The following PLCG2 variants were observed in gnomAD, a reference collection of about 807,000 sequenced individuals.
PLCG2 encodes the protein 1-phosphatidylinositol 4,5-bisphosphate phosphodiesterase gamma-2.
PLCG2 carries 69 observed loss-of-function variants against 175.6 expected under a neutral mutation model. The ratio of observed to expected loss-of-function variants is 0.39; its 90% CI spans 0.32 to 0.48. PLCG2 has a LOEUF of 0.48. Ranked by LOEUF, PLCG2 falls within the 20% of genes least tolerant of loss-of-function variation. The pLI, the probability that PLCG2 is intolerant of heterozygous loss-of-function variation, is 0.91. For missense variants in PLCG2, 1,798 were observed against 1,650.9 expected, an observed-to-expected ratio of 1.09 and a Z score of -1.54; for synonymous variants, 827 against 624.0, an observed-to-expected ratio of 1.33 and a Z score of -4.85.
At chr16:81,862,086 A>G (rs550593119) in intron 5 of PLCG2, among the ~76,000 whole-genome samples, 27 of 152,332 alleles carry the variant, frequency 1.8e-4, no homozygotes, top group Admixed American at 4.6e-4. Flanking sequence ...AACTTTGACC[A>G]AGATGCCAAT....
chr16:81,879,008 C>T (rs2042160177), intron 7 of PLCG2, among the ~76,000 whole-genome samples: 1 of 152,148 alleles, frequency 6.6e-6, no homozygotes, highest in Non-Finnish European at 1.5e-5. Flanking sequence ...GAGGGGAAGC[C>T]AGGTCTTTCC....
chr16:81,764,688 C>T (rs1910107979), intron 2 of PLCG2, among the ~76,000 whole-genome samples: 1 of 152,108 alleles, frequency 6.6e-6, no homozygotes, highest in South Asian at 2.1e-4. Flanking sequence ...GAACAGTGTC[C>T]CCCAAATTTA....
At chr16:81,860,166 ATTATTATTT>A (rs1340726646) in intron 5 of PLCG2, among the ~76,000 whole-genome samples, 8 of 99,674 alleles carry the variant, frequency 8.0e-5, no homozygotes, top group East Asian at 2.3e-4. Flanking sequence ...TATTATTATT[ATTATTATTT>A]TTTTTTTTTT....
In PLCG2 at chr16:81,812,609, A is replaced by G. The variant is rs570400411; in HGVS notation, c.193+26427A>G. 2.6e-5 allele frequency among the ~76,000 whole-genome samples: 4 copies of G among 152,306 alleles called. No homozygotes were observed. The South Asian group carries it at 8.3e-4, about 32-fold the overall frequency. On this transcript the variant is annotated intron_variant, in intron 2 of 32. Coordinates refer to ENST00000564138, the MANE Select transcript of PLCG2 (RefSeq NM_002661.5). ...CCATTTGTCAGATGGATAGATTGCA[A>G]AATTTTTCTTCCATTCTGTATGTTG...
At chr16:81,828,808 T>A (rs1435877904) in intron 2 of PLCG2, among the ~76,000 whole-genome samples, 1 of 152,180 alleles carries the variant, frequency 6.6e-6, no homozygotes, top group Non-Finnish European at 1.5e-5. Flanking sequence ...ACATAGAAGG[T>A]TTCAACAAAT....
chr16:81,852,503 T>A (rs1906468953), intron 2 of PLCG2, among the ~76,000 whole-genome samples: 1 of 152,152 alleles, frequency 6.6e-6, no homozygotes, highest in African/African-American at 2.4e-5. Context: ...AGCTTGTGTC[T>A]CTGTGCCAGT....
intron 3 of PLCG2, among the ~76,000 whole-genome samples, chr16:81,855,927 C>A (rs879545349): frequency 1.3e-5 from 2 of 152,108 alleles, no homozygotes; most frequent in Admixed American, 1.3e-4. Flanking sequence ...AGGCCCGTGG[C>A]GGTGAAGCTT....
intron 2 of PLCG2, among the ~76,000 whole-genome samples, chr16:81,788,592 A>G (rs1412596858): frequency 6.6e-6 from 1 of 152,182 alleles, no homozygotes; most frequent in African/African-American, 2.4e-5. Context: ...ATGTAAAAGT[A>G]CCTGTTGCCT....
intron 22 of PLCG2, among the ~76,000 whole-genome samples, chr16:81,926,324 G>C (rs772096604): frequency 1.3e-5 from 2 of 152,164 alleles, no homozygotes; most frequent in Non-Finnish European, 2.9e-5. Flanking sequence ...GTGCATTTTG[G>C]AGAGTCCCTG....
chr16:81,803,359 A>T (rs1276576923), intron 2 of PLCG2, among the ~76,000 whole-genome samples: 1 of 151,964 alleles, frequency 6.6e-6, no homozygotes, highest in Non-Finnish European at 1.5e-5. Flanking sequence ...TTAGCCTAAC[A>T]TAAGGTTCGT....
At chr16:81,887,440 C>T (rs1243764997) in intron 9 of PLCG2, among the ~76,000 whole-genome samples, 1 of 152,122 alleles carries the variant, frequency 6.6e-6, no homozygotes, top group Non-Finnish European at 1.5e-5. Flanking sequence ...TAAAATATCC[C>T]ACAATTTGGG....
intron 2 of PLCG2, among the ~76,000 whole-genome samples, chr16:81,790,297 G>A (rs1285907198): frequency 2.6e-5 from 4 of 152,206 alleles, no homozygotes; most frequent in African/African-American, 9.7e-5. Context: ...TCCATTCTCA[G>A]GTTTTCAGAA....
intron 14 of PLCG2, among the ~76,000 whole-genome samples, chr16:81,901,884 T>C (rs1484182684): frequency 2.0e-5 from 3 of 152,264 alleles, no homozygotes; most frequent in African/African-American, 4.8e-5. Flanking sequence ...TTCAATATAA[T>C]TGAGTTTCCT....
At chr16:81,886,151 C>G (rs1250366575) in intron 9 of PLCG2, among the ~76,000 whole-genome samples, 1 of 152,184 alleles carries the variant, frequency 6.6e-6, no homozygotes, top group East Asian at 1.9e-4. Flanking sequence ...GAATTCACCA[C>G]CTGGTAGGGA....
At chr16:81,784,538 G>A (rs896817992) in intron 1 of PLCG2, among the ~76,000 whole-genome samples, 4 of 152,188 alleles carry the variant, frequency 2.6e-5, no homozygotes, top group Non-Finnish European at 5.9e-5. Flanking sequence ...TCTCTCTAGT[G>A]CTACTCTGTA....
intron 1 of PLCG2, among the ~76,000 whole-genome samples, chr16:81,744,954 G>T (rs552605907): frequency 9.2e-5 from 14 of 152,194 alleles, no homozygotes; most frequent in South Asian, 2.1e-4. Flanking sequence ...AAAGGAAGAA[G>T]GGTTGGTTTT....
chr16:81,864,739 G>T (rs1414897517), intron 5 of PLCG2, among the ~76,000 whole-genome samples: 1 of 152,166 alleles, frequency 6.6e-6, no homozygotes, highest in South Asian at 2.1e-4. Context: ...CCCAGCCTCA[G>T]CATGGCTGGT....
chr16:81,859,106 T>C lies in PLCG2; in HGVS notation c.432-10T>C. On this transcript the variant is annotated splice_polypyrimidine_tract_variant and intron_variant, in intron 4 of 32. Transcript: ENST00000564138. ...TTTCTCTCTTTCTTTTGTCTCATAT[T>C]TCTTTCCAGTTGGCTGAGAAAGCAG... 1 of 1,541,290 alleles carries C rather than the reference T, an allele frequency of 6.5e-7. No individual in the cohort carries two copies. Among genetic ancestry groups the C allele is most frequent in the Non-Finnish European group, 9.0e-7 (1 of 1,113,486 alleles).
At chr16:81,849,250 G>C (rs1281199693) in intron 2 of PLCG2, among the ~76,000 whole-genome samples, 1 of 152,190 alleles carries the variant, frequency 6.6e-6, no homozygotes, top group African/African-American at 2.4e-5. Flanking sequence ...GACAAGTCAG[G>C]AAGCTGCCTC....
Sources: gnomAD v4.1 joint callset for allele counts (sites outside exome capture counted in the v4.1 genomes callset) on GRCh38, gnomAD v4.1.1 for gene constraint, MANE v1.5 for transcripts, NCBI Gene and HGNC (gene_info 2026-07-23, HGNC 2026-07-21) for gene names.